The following PPARD variants were observed in gnomAD, a reference collection of about 807,000 sequenced individuals.
The protein encoded by PPARD is peroxisome proliferator-activated receptor delta.
Under a neutral mutation model 39.5 loss-of-function variants are expected in PPARD, and 6 were observed. The ratio of observed to expected loss-of-function variants is 0.15; its 90% confidence interval spans 0.08 to 0.30. The LOEUF is 0.30. PPARD is among the 10% of genes least tolerant of loss of function. The probability of loss-of-function intolerance (pLI) is 1.00; values close to 1 mark genes in which losing one functional copy is unlikely to be tolerated. For synonymous variants in PPARD, 210 were observed against 231.3 expected, an observed-to-expected ratio of 0.91 and a Z score of 0.83; for missense variants, 397 against 596.8, an observed-to-expected ratio of 0.67 and a Z score of 3.49.
Position 35,424,406 on chromosome 6 carries a change from G to C in PPARD, c.705G>C (p.Leu235=), listed in dbSNP as rs747075223. 1 of 1,614,096 alleles carries C rather than the reference G, an allele frequency of 6.2e-7. No individual in the cohort carries two copies. The highest frequency in any genetic ancestry group is 1.1e-5 in the South Asian group (1 of 91,072). ...GLVWKQLVNG[L]PPYKEISVHV... is the part of the protein sequence containing the mutation. The stretch of plus-strand genomic sequence containing the variant: ...TGTGGAAGCAGTTGGTGAATGGCCT[G>C]CCTCCCTACAAGGAGATCAGCGTGC... Residue 235 remains leucine, a synonymous_variant, in exon 7 of 8, where the codon CTG becomes CTC. Coordinates refer to ENST00000360694, the MANE Select transcript of PPARD (RefSeq NM_006238.5). The surrounding 1 kb of genome is among the most constrained non-coding windows in gnomAD (Gnocchi z 7.1).
chr6:35,384,425 G>A (rs1420220046), intron 2 of PPARD, among the ~76,000 whole-genome samples: 2 of 114,214 alleles, frequency 1.8e-5, no homozygotes, highest in African/African-American at 4.3e-5. Flanking sequence ...CGCCCCGTCC[G>A]GGAGGGAGGT....
intron 2 of PPARD, among the ~76,000 whole-genome samples, chr6:35,379,266 G>A (rs1350961722): frequency 6.6e-6 from 1 of 151,946 alleles, no homozygotes; most frequent in Non-Finnish European, 1.5e-5. Flanking sequence ...ACCACGCTCG[G>A]CTAATTTTTG....
intron 3 of PPARD, among the ~76,000 whole-genome samples, chr6:35,418,858 T>G (rs1206255918): frequency 6.6e-6 from 1 of 152,174 alleles, no homozygotes; most frequent in Non-Finnish European, 1.5e-5. Context: ...GGGTGCTTCT[T>G]GTGCTCCCCC....
At chr6:35,374,172 GGGAC>G (rs1346316788) in intron 2 of PPARD, among the ~76,000 whole-genome samples, 2 of 151,986 alleles carry the variant, frequency 1.3e-5, no homozygotes, top group Non-Finnish European at 2.9e-5. Context: ...CTCTGTACAT[GGGAC>G]CTGAACCGGC....
At chr6:35,386,841 G>T (rs1763692579) in intron 2 of PPARD, among the ~76,000 whole-genome samples, 1 of 152,006 alleles carries the variant, frequency 6.6e-6, no homozygotes, top group African/African-American at 2.4e-5. Context: ...CTGGTCCCAG[G>T]AGGCCCTGTC....
At chr6:35,422,678 T>C (rs1339002532) in intron 5 of PPARD, among the ~76,000 whole-genome samples, 1 of 152,154 alleles carries the variant, frequency 6.6e-6, no homozygotes, top group Non-Finnish European at 1.5e-5. Flanking sequence ...TAGCAGTACC[T>C]GAGCCCTCCA....
intron 4 of PPARD, among the ~76,000 whole-genome samples, chr6:35,420,715 T>C (rs1435077190): frequency 3.3e-5 from 5 of 152,200 alleles, no homozygotes; most frequent in Non-Finnish European, 7.3e-5. Context: ...TCTCACAGAT[T>C]ATTTTATTGA....
intron 2 of PPARD, among the ~76,000 whole-genome samples, chr6:35,384,975 CCCCGCCG>C: frequency 7.2e-6 from 1 of 138,508 alleles, no homozygotes; most frequent in African/African-American, 3.1e-5. Flanking sequence ...GGGGTCAGCC[CCCCGCCG>C]GGCCAGCCGC....
rs1396795145 is a variant in PPARD at position 35,411,228 on chromosome 6, G to A, written c.130+11G>A. 4 of 1,498,702 alleles carry A rather than the reference G, an allele frequency of 2.7e-6. No individual in the cohort carries two copies. The African/African-American group carries it at 5.7e-5, about 21-fold the overall frequency. The allele number at this position is 1,498,702 out of a possible 1,614,324, so 92.8% of individuals were successfully genotyped here. A position where few individuals can be genotyped will look rare whatever the true frequency, so the allele number is the denominator to read the frequency against. On this transcript the variant is annotated intron_variant, in intron 3 of 7. Coordinates refer to ENST00000360694, the MANE Select transcript of PPARD (RefSeq NM_006238.5). Reference sequence around the variant, plus strand: ...CCAGCAGCTACACAGGTGAGGAGAGGACTGGCAGGGGACACGGGGCAGAGG... The same window carrying A: ...CCAGCAGCTACACAGGTGAGGAGAGAACTGGCAGGGGACACGGGGCAGAGG...
chr6:35,358,102 G>T (rs1298941054), intron 2 of PPARD, among the ~76,000 whole-genome samples: 1 of 152,144 alleles, frequency 6.6e-6, no homozygotes, highest in Non-Finnish European at 1.5e-5. Context: ...GAGATGAGGG[G>T]ATTATCCTAG....
chr6:35,349,445 C>T (rs1178112674), intron 2 of PPARD, among the ~76,000 whole-genome samples: 5 of 152,190 alleles, frequency 3.3e-5, no homozygotes, highest in African/African-American at 7.2e-5. Context: ...ACATAAAATA[C>T]ACTAACACTA....
intron 2 of PPARD, among the ~76,000 whole-genome samples, chr6:35,365,803 T>C (rs1225954025): frequency 6.6e-6 from 1 of 151,976 alleles, no homozygotes; most frequent in East Asian, 1.9e-4. Context: ...GATGTGCCAT[T>C]CTCTTATTCA....
chr6:35,421,196 C>G (rs1766136800), intron 4 of PPARD, among the ~76,000 whole-genome samples: 1 of 152,078 alleles, frequency 6.6e-6, no homozygotes. Flanking sequence ...CTCCTGACCT[C>G]AGGTGATCCA....
intron 2 of PPARD, among the ~76,000 whole-genome samples, chr6:35,356,299 T>C (rs1047923585): frequency 6.6e-6 from 1 of 152,208 alleles, no homozygotes; most frequent in African/African-American, 2.4e-5. Flanking sequence ...GCAGAGTTCC[T>C]TGCCACCAGT....
intron 2 of PPARD, among the ~76,000 whole-genome samples, chr6:35,403,230 GATA>G (rs560022571): frequency 6.0e-4 from 92 of 152,326 alleles, no homozygotes; most frequent in Non-Finnish European, 1.1e-3. Flanking sequence ...AGCCATGGGT[GATA>G]ATAATAGCAG....
chr6:35,424,476 G>A lies in PPARD; in HGVS notation c.775G>A (p.Glu259Lys). ...GTGCACCACAGTGGAGACCGTGCGG[G>A]AGCTCACTGAGTTCGCCAAGAGCAT... ...CQCTTVETVRELTEFAKSIPS... is the reference protein window; with the variant it reads ...CQCTTVETVRKLTEFAKSIPS... Residue 259 changes from glutamate to lysine, a missense_variant, in exon 7 of 8, where the codon GAG (glutamate) becomes AAG (lysine). Glu to Lys is a moderately conservative substitution (Grantham distance 56). Coordinates refer to ENST00000360694, the MANE Select transcript of PPARD (RefSeq NM_006238.5). The surrounding 1 kb of genome is among the most constrained non-coding windows in gnomAD (Gnocchi z 7.1). 6.2e-7 allele frequency: 1 copy of A among 1,614,242 alleles called. No homozygotes were observed. The highest frequency in any genetic ancestry group is 8.5e-7 in the Non-Finnish European group (1 of 1,180,042).
At chr6:35,379,679 T>G (rs1003532535) in intron 2 of PPARD, among the ~76,000 whole-genome samples, 6 of 152,244 alleles carry the variant, frequency 3.9e-5, no homozygotes, top group African/African-American at 1.4e-4. Context: ...CTTTGACAAC[T>G]TGGTGCTTTT....
At chr6:35,356,814 T>C (rs1313300743) in intron 2 of PPARD, among the ~76,000 whole-genome samples, 1 of 152,220 alleles carries the variant, frequency 6.6e-6, no homozygotes, top group East Asian at 1.9e-4. Context: ...GTCAGCTGGG[T>C]CCACTGGCGA....
chr6:35,383,905 C>T (rs1200006382), intron 2 of PPARD, among the ~76,000 whole-genome samples: 1 of 145,054 alleles, frequency 6.9e-6, no homozygotes, highest in Non-Finnish European at 1.5e-5. Flanking sequence ...AGGAGCGTCT[C>T]CGCCCGGCAG....
Sources: gnomAD v4.1 joint callset for allele counts (sites outside exome capture counted in the v4.1 genomes callset) on GRCh38, gnomAD v4.1.1 for gene constraint, Gnocchi (gnomAD v3.1) non-coding constraint, MANE v1.5 for transcripts, NCBI Gene and HGNC (gene_info 2026-07-23, HGNC 2026-07-21) for gene names.